Variants in CWH43 observed in about 807,000 individuals in gnomAD.
CWH43 encodes the protein PGAP2-interacting protein.
A neutral mutation model predicts 85.7 loss-of-function variants in CWH43; 91 were observed. That is an observed-to-expected ratio of 1.06 (90% CI 0.90 to 1.26). The LOEUF (loss-of-function observed/expected upper bound fraction) is 1.26, where lower values mean the gene tolerates loss of function less well. Among genes scored for constraint, CWH43 ranks in the 50% most tolerant of loss-of-function variants. CWH43 has a pLI of 0.00. For synonymous variants in CWH43, 323 were observed against 293.6 expected (o/e 1.10, Z -1.02); for missense variants, 869 against 839.2 (o/e 1.04, Z -0.44).
At chr4:49,012,837 T>C (rs1032320998) in intron 8 of CWH43, among the ~76,000 whole-genome samples, 4 of 152,200 alleles carry the variant, frequency 2.6e-5, no homozygotes, top group African/African-American at 9.6e-5. Context: ...ATAGTAAATA[T>C]TGCTGCCTGA....
chr4:49,004,001 A>C lies in CWH43; in HGVS notation c.1060+9A>C. 2 of 1,602,872 alleles carry C rather than the reference A, an allele frequency of 1.2e-6. No individual in the cohort carries two copies. Among genetic ancestry groups the C allele is most frequent in the South Asian group, 1.1e-5 (1 of 90,290 alleles). On this transcript the variant is annotated intron_variant, in intron 7 of 15. Transcript: ENST00000226432. ...ATCAGATGTGCTTTTGGGTGAGTAC[A>C]TTTGAAAGGTCTGGATTAAAATAAT...
At chr4:49,039,393 A>ATT (rs397758070) in intron 13 of CWH43, among the ~76,000 whole-genome samples, 2 of 92,942 alleles carry the variant, frequency 2.2e-5, no homozygotes, top group Admixed American at 1.2e-4. Flanking sequence ...ATATATATAT[A>ATT]CACACTGATA....
intron 6 of CWH43, among the ~76,000 whole-genome samples, chr4:49,002,148 A>G (rs1002511352): frequency 6.6e-6 from 1 of 152,094 alleles, no homozygotes; most frequent in Non-Finnish European, 1.5e-5. Context: ...ACAAGTCATG[A>G]CTTTAAAATA....
At chr4:49,010,193 G>C (rs1263543662) in intron 8 of CWH43, among the ~76,000 whole-genome samples, 1 of 152,106 alleles carries the variant, frequency 6.6e-6, no homozygotes, top group Non-Finnish European at 1.5e-5. Flanking sequence ...CTTCTTCCTA[G>C]TTTAGTCTTG....
At chr4:48,990,167 A>G (rs1782615194) in intron 2 of CWH43, among the ~76,000 whole-genome samples, 1 of 152,178 alleles carries the variant, frequency 6.6e-6, no homozygotes, top group Admixed American at 6.5e-5. Context: ...GATATAAAAT[A>G]AGTTTGGGGT....
intron 8 of CWH43, among the ~76,000 whole-genome samples, chr4:49,011,850 T>C (rs1372681209): frequency 6.6e-6 from 1 of 152,258 alleles, no homozygotes; most frequent in Non-Finnish European, 1.5e-5. Flanking sequence ...CCGCTGTTAG[T>C]CTGATGGGCT....
At chr4:49,055,499 GC>G (rs1784921472) in intron 15 of CWH43, among the ~76,000 whole-genome samples, 1 of 152,046 alleles carries the variant, frequency 6.6e-6, no homozygotes, top group South Asian at 2.1e-4. Flanking sequence ...TTGGTATCAG[GC>G]TAATAATGGC....
intron 15 of CWH43, among the ~76,000 whole-genome samples, chr4:49,052,107 T>C (rs1405474045): frequency 2.0e-5 from 3 of 152,238 alleles, no homozygotes; most frequent in Non-Finnish European, 4.4e-5. Flanking sequence ...TTTTTCTTCT[T>C]TGTCCCTCCT....
chr4:48,986,763 T>A (rs891293364), intron 1 of CWH43: 12 of 1,269,730 alleles, frequency 9.5e-6, no homozygotes, highest in Non-Finnish European at 1.1e-5. Flanking sequence ...TCTCCTCGTG[T>A]CGGCCTTGAC....
At chr4:48,998,590 G>T (rs1560487411) in intron 6 of CWH43, 42 bp downstream of exon 6, 2 of 1,424,752 alleles carry the variant, frequency 1.4e-6, no homozygotes, top group Non-Finnish European at 2.0e-6. Context: ...ACTGAGCTTG[G>T]TTATCCAGTT....
intron 14 of CWH43, among the ~76,000 whole-genome samples, chr4:49,049,152 A>G (rs1200122877): frequency 1.3e-5 from 2 of 152,214 alleles, no homozygotes; most frequent in Admixed American, 6.5e-5. Context: ...ACCTAGAATT[A>G]CACAGAAGTG....
intron 8 of CWH43, among the ~76,000 whole-genome samples, chr4:49,014,771 G>A (rs1203518836): frequency 1.3e-5 from 2 of 152,076 alleles, no homozygotes; most frequent in African/African-American, 2.4e-5. Context: ...AAAGCGTGGA[G>A]ATTTTTCCAT....
chr4:49,045,705 CATTT>C (rs1303410204), intron 14 of CWH43, among the ~76,000 whole-genome samples: 1 of 152,066 alleles, frequency 6.6e-6, no homozygotes, highest in Non-Finnish European at 1.5e-5. Flanking sequence ...CCTTATGACA[CATTT>C]CTTTCTTTTT....
chr4:49,023,075 G>C (rs1783801840), intron 9 of CWH43, among the ~76,000 whole-genome samples: 1 of 151,958 alleles, frequency 6.6e-6, no homozygotes, highest in Non-Finnish European at 1.5e-5. Context: ...TTCTTGTGCT[G>C]GGTTTGGGTT....
At chr4:49,053,256 G>T (rs1007277854) in intron 15 of CWH43, among the ~76,000 whole-genome samples, 1 of 152,126 alleles carries the variant, frequency 6.6e-6, no homozygotes, top group Non-Finnish European at 1.5e-5. Context: ...AGTGAATGTA[G>T]GAGTACAGAT....
intron 13 of CWH43, among the ~76,000 whole-genome samples, chr4:49,043,117 C>A (rs1285990898): frequency 6.6e-6 from 1 of 152,106 alleles, no homozygotes; most frequent in Non-Finnish European, 1.5e-5. Flanking sequence ...AGTTACTTAG[C>A]CTTTCTGGGC....
intron 13 of CWH43, among the ~76,000 whole-genome samples, chr4:49,043,509 T>G (rs1349413577): frequency 1.3e-5 from 2 of 152,200 alleles, no homozygotes; most frequent in Non-Finnish European, 2.9e-5. Context: ...TGTGTCAAAA[T>G]TGGTAGTGGA....
At chr4:49,055,612 A>G (rs1784926049) in intron 15 of CWH43, among the ~76,000 whole-genome samples, 1 of 148,330 alleles carries the variant, frequency 6.7e-6, no homozygotes, top group Non-Finnish European at 1.5e-5. Context: ...TTTTTGAGAT[A>G]GAGTCTCACT....
Position 48,988,591 on chromosome 4 carries a change from T to G in CWH43, c.158T>G (p.Ile53Arg). Reference protein sequence around the residue: ...EGFSIAFLSPIFLTITPFWKL... With the variant: ...EGFSIAFLSPRFLTITPFWKL... ...TTTAGTATAGCATTTCTTTCTCCAA[T>G]ATTCCTAACAATTACTCCTTTCTGG... Residue 53 changes from isoleucine (I) to arginine (R), a missense_variant, in exon 2 of 16, where the codon ATA becomes AGA. Ile to Arg is a moderately conservative substitution (Grantham distance 97). This residue lies in a region of CWH43 where 140 missense variants were observed against 122.6 expected (regional missense o/e 1.14). Coordinates refer to ENST00000226432, the MANE Select transcript of CWH43 (RefSeq NM_025087.3). The G allele has an allele frequency of 6.2e-7, 1 of 1,613,614 alleles. No homozygotes were observed. Among genetic ancestry groups the G allele is most frequent in the Non-Finnish European group, 8.5e-7 (1 of 1,179,572 alleles).
Sources: allele counts gnomAD v4.1 joint callset (sites outside exome capture counted in the v4.1 genomes callset), GRCh38; gene constraint gnomAD v4.1.1; regional missense constraint gnomAD v4.1.1; transcripts MANE v1.5; gene names NCBI Gene and HGNC (gene_info 2026-07-23, HGNC 2026-07-21).